The following CEBPG variants were observed in gnomAD, a reference collection of about 807,000 sequenced individuals.
The protein encoded by CEBPG is CCAAT/enhancer-binding protein gamma.
In CEBPG, 6 loss-of-function variants were observed where a neutral mutation model predicts 11.1. The ratio of observed to expected loss-of-function variants is 0.54; its 90% CI spans 0.30 to 1.07. CEBPG has a LOEUF of 1.07. CEBPG is among the 50% of genes least tolerant of loss of function. CEBPG has a pLI of 0.07. For missense variants in CEBPG, 161 were observed against 187.4 expected (o/e 0.86, Z 0.82); for synonymous variants, 66 against 71.0 (o/e 0.93, Z 0.36).
At chr19:33,375,376 A>G (rs1179435628) in intron 1 of CEBPG, among the ~76,000 whole-genome samples, 5 of 152,104 alleles carry the variant, frequency 3.3e-5, no homozygotes, top group Non-Finnish European at 5.9e-5. Context: ...TGGTCACAGT[A>G]ATGGTAAATA....
At chr19:33,376,739 T>TG (rs1967916669) in intron 1 of CEBPG, among the ~76,000 whole-genome samples, 1 of 152,242 alleles carries the variant, frequency 6.6e-6, no homozygotes, top group Non-Finnish European at 1.5e-5. Context: ...GGAGCCAGAC[T>TG]TGAATTTAGG....
chr19:33,374,051 C>T (rs1967879089), intron 1 of CEBPG, among the ~76,000 whole-genome samples, 156 bp downstream of exon 1: 1 of 149,688 alleles, frequency 6.7e-6, no homozygotes, highest in Non-Finnish European at 1.5e-5. Flanking sequence ...GAGGCGCGGG[C>T]GGCGGCGCCG....
rs1391412891 is a variant in CEBPG at position 33,381,109 on chromosome 19, C to G, written c.*1417C>G. 2.4e-5 allele frequency: 4 copies of G among 166,968 alleles called. No homozygotes were observed. The highest frequency in any genetic ancestry group is 9.7e-5 in the African/African-American group (4 of 41,408). The allele number at this position is 166,968 out of a possible 1,614,324, so 10.3% of individuals were successfully genotyped here. On this transcript the variant is annotated 3_prime_UTR_variant, in exon 2 of 2. Transcript: ENST00000284000. ...TTTCTCTTTTTTTCTTAGCACAGTT[C>G]TAGCTCAAATTTGTGTATTTTTTGT...
At position 33,382,628 on chromosome 19, in the gene CEBPG, T is replaced by A. The variant is rs554431348; in HGVS notation, c.*2936T>A. The stretch of plus-strand genomic sequence containing the variant: ...GTTTGTGAGATTTCTCTATTTTTTT[T>A]AAATATAATTTTATTTCTTTCAACA... On this transcript the variant is annotated 3_prime_UTR_variant, in exon 2 of 2. Transcript: ENST00000284000. 1.3e-4 allele frequency: 22 copies of A among 167,038 alleles called. No individual in the cohort carries two copies. Among genetic ancestry groups the A allele is most frequent in the South Asian group, 4.1e-4 (2 of 4,832 alleles). The allele number at this position is 167,038 out of a possible 1,614,324, so 10.3% of individuals were successfully genotyped here.
intron 1 of CEBPG, among the ~76,000 whole-genome samples, 190 bp downstream of exon 1, chr19:33,374,085 G>A (rs949330381): frequency 2.0e-5 from 3 of 150,066 alleles, no homozygotes; most frequent in African/African-American, 7.3e-5. Flanking sequence ...GCAACCTGCC[G>A]GCAACACCCG....
chr19:33,379,442 G>A lies in CEBPG; in HGVS notation c.203G>A (p.Arg68His), dbSNP rs1436371796. ...CGAAACAGTGACGAGTATCGGCAAC[G>A]CCGAGAGAGGAACAACATGGCTGTG... The part of the protein sequence containing the change: ...MDRNSDEYRQ[R>H]RERNNMAVKK... Residue 68 changes from arginine (R) to histidine (H), a missense_variant, in exon 2 of 2, where the codon CGC becomes CAC. Coordinates refer to ENST00000284000, the MANE Select transcript of CEBPG (RefSeq NM_001806.4). 3.1e-6 allele frequency: 5 copies of A among 1,614,068 alleles called. No homozygotes were observed. Among genetic ancestry groups the A allele is most frequent in the South Asian group, 1.1e-5 (1 of 91,074 alleles).
At chr19:33,378,913 AG>A (rs1967947503) in intron 1 of CEBPG, among the ~76,000 whole-genome samples, 1 of 152,258 alleles carries the variant, frequency 6.6e-6, no homozygotes, top group Non-Finnish European at 1.5e-5. Context: ...GCAGAGGGGC[AG>A]TGCCCTCAGG....
intron 1 of CEBPG, among the ~76,000 whole-genome samples, chr19:33,376,914 A>G (rs1254512291): frequency 6.6e-6 from 1 of 152,216 alleles, no homozygotes; most frequent in Non-Finnish European, 1.5e-5. Flanking sequence ...AGCTATTTAT[A>G]TGGTTAAAGA....
At chr19:33,377,687 G>A (rs142014708) in intron 1 of CEBPG, among the ~76,000 whole-genome samples, 64 of 152,330 alleles carry the variant, frequency 4.2e-4, no homozygotes, top group African/African-American at 1.5e-3. Flanking sequence ...CATTACTGAA[G>A]ATAGGCTTGG....
intron 1 of CEBPG, among the ~76,000 whole-genome samples, chr19:33,378,594 C>G (rs752741531): frequency 6.6e-6 from 1 of 152,178 alleles, no homozygotes; most frequent in Middle Eastern, 3.4e-3. Flanking sequence ...AAAAAACTAC[C>G]TTTTCAAAAT....
chr19:33,380,698 A>T lies in CEBPG; in HGVS notation c.*1006A>T, dbSNP rs1967975590. ...TTCTGAAGGCTCATTTTGGTATTTG[A>T]TCTTAACCAAGTGATTATTAGAGAA... On this transcript the variant is annotated 3_prime_UTR_variant, in exon 2 of 2. Transcript: ENST00000284000. 2 of 166,922 alleles carry T rather than the reference A, an allele frequency of 1.2e-5. No individual in the cohort carries two copies. Among genetic ancestry groups the T allele is most frequent in the Admixed American group, 6.5e-5 (1 of 15,292 alleles). The allele number at this position is 166,922 out of a possible 1,614,324, so 10.3% of individuals were successfully genotyped here.
At chr19:33,376,734 CAG>C (rs1967916593) in intron 1 of CEBPG, among the ~76,000 whole-genome samples, 1 of 152,196 alleles carries the variant, frequency 6.6e-6, no homozygotes, top group Non-Finnish European at 1.5e-5. Flanking sequence ...ACAGAGGAGC[CAG>C]ACTTGAATTT....
intron 1 of CEBPG, among the ~76,000 whole-genome samples, chr19:33,376,579 T>C (rs1967914625): frequency 6.6e-6 from 1 of 152,180 alleles, no homozygotes; most frequent in African/African-American, 2.4e-5. Flanking sequence ...AGTTCCTGGA[T>C]GATGATGATG....
chr19:33,380,999 G>GCA lies in CEBPG; in HGVS notation c.*1307_*1308insCA, dbSNP rs764451283. ...TAAAAAATGGCAGTCGCTAAAGTAG[G>GCA]GACTCTAGAGTCTGGCTTACGTCAG... On this transcript the variant is annotated 3_prime_UTR_variant, in exon 2 of 2. Coordinates refer to ENST00000284000, the MANE Select transcript of CEBPG (RefSeq NM_001806.4). 1 of 166,946 alleles carries GCA rather than the reference G, an allele frequency of 6.0e-6. No individual in the cohort carries two copies. The highest frequency in any genetic ancestry group is 1.5e-5 in the Non-Finnish European group (1 of 68,104). 10.3% of individuals were successfully genotyped at this position (166,946 alleles called of 1,614,324 possible).
At position 33,379,971 on chromosome 19, in the gene CEBPG, T is replaced by C. The variant is rs1307311117; in HGVS notation, c.*279T>C. ...AGAAATATCTGGGATCCCGATGTTC[T>C]TAATAAATCCTGACTTCCCAAGAAA... On this transcript the variant is annotated 3_prime_UTR_variant, in exon 2 of 2. Coordinates refer to ENST00000284000, the MANE Select transcript of CEBPG (RefSeq NM_001806.4). The C allele has an allele frequency of 3.3e-6, 1 of 298,518 alleles. No homozygotes were observed. The highest frequency in any genetic ancestry group is 5.0e-5 in the Admixed American group (1 of 19,958). 18.5% of individuals were successfully genotyped at this position (298,518 alleles called of 1,614,324 possible).
chr19:33,377,727 GCTTTTTGTCTTGC>G (rs1185759564), intron 1 of CEBPG, among the ~76,000 whole-genome samples: 3 of 152,226 alleles, frequency 2.0e-5, no homozygotes, highest in Non-Finnish European at 4.4e-5. Flanking sequence ...TTGGAGGGAT[GCTTTTTGTCTTGC>G]CTTAGTGTTG....
intron 1 of CEBPG, among the ~76,000 whole-genome samples, chr19:33,378,154 G>A (rs545921399): frequency 6.6e-6 from 1 of 152,216 alleles, no homozygotes; most frequent in East Asian, 1.9e-4. Flanking sequence ...ACTTCTTGGG[G>A]CAGCTGTAGG....
chr19:33,374,799 A>T (rs1219457420), intron 1 of CEBPG, among the ~76,000 whole-genome samples: 1 of 152,220 alleles, frequency 6.6e-6, no homozygotes, highest in East Asian at 1.9e-4. Flanking sequence ...TTGATGGGTG[A>T]CACCAAAATT....
At position 33,379,645 on chromosome 19, in the gene CEBPG, A is replaced by G. The variant is rs188701123; in HGVS notation, c.406A>G (p.Ile136Val). 3.7e-6 allele frequency: 6 copies of G among 1,613,668 alleles called. No individual in the cohort carries two copies. In the East Asian group the frequency reaches 8.9e-5, roughly 24 times the overall value. ...AHNLADNVQS[I>V]STENTTADGD... ...CAACCTTGCAGACAACGTACAGTCC[A>G]TTAGCACTGAAAATACGACAGCAGA... The change falls in exon 2 of 2, where the codon ATT becomes GTT. Residue 136 changes from isoleucine (I) to valine (V), a missense_variant. Transcript: ENST00000284000.
Sources: allele counts gnomAD v4.1 joint callset (sites outside exome capture counted in the v4.1 genomes callset), GRCh38; gene constraint gnomAD v4.1.1; transcripts MANE v1.5; gene names NCBI Gene and HGNC (gene_info 2026-07-23, HGNC 2026-07-21).